Variants in SMURF2 observed in about 807,000 individuals in gnomAD.
SMURF2 encodes the protein E3 ubiquitin-protein ligase SMURF2.
In SMURF2, 48 loss-of-function variants were observed where a neutral mutation model predicts 109.6. The ratio of observed to expected loss-of-function variants is 0.44; its 90% CI spans 0.35 to 0.56. The LOEUF (loss-of-function observed/expected upper bound fraction) is 0.56. Ranked by LOEUF, SMURF2 falls within the 20% of genes least tolerant of loss-of-function variation. The pLI is 0.01. For missense variants in SMURF2, 575 were observed against 909.0 expected (o/e 0.63, Z 4.72); for synonymous variants, 288 against 317.1 (o/e 0.91, Z 0.97).
In SMURF2 at chr17:64,661,870, G is replaced by A; in HGVS notation, c.11C>T (p.Pro4Leu). MSNPGGRRNGPVKL... is the reference protein window; with the variant it reads MSNLGGRRNGPVKL... ...GACGGGCCCGTTCCTCCGGCCTCCG[G>A]GGTTAGACATGTCCCCGGCGGCGGG... Residue 4 changes from proline (P) to leucine (L), a missense_variant, in exon 1 of 19, where the codon CCC becomes CTC. Physicochemically the swap from Pro to Leu is moderately conservative, Grantham distance 98 (BLOSUM62 -3). Transcript: ENST00000262435. 8.2e-7 allele frequency: 1 copy of A among 1,214,662 alleles called. No homozygotes were observed. The highest frequency in any genetic ancestry group is 1.0e-6 in the Non-Finnish European group (1 of 977,208). The allele number at this position is 1,214,662 out of a possible 1,614,324, so 75.2% of individuals were successfully genotyped here.
intron 2 of SMURF2, among the ~76,000 whole-genome samples, chr17:64,602,929 G>GA (rs1249550061): frequency 1.3e-4 from 20 of 149,758 alleles, no homozygotes; most frequent in African/African-American, 2.2e-4. Flanking sequence ...TGTCTCAAGG[G>GA]AAAAAAAAAA....
At chr17:64,615,807 G>C (rs1970112823) in intron 1 of SMURF2, among the ~76,000 whole-genome samples, 1 of 152,058 alleles carries the variant, frequency 6.6e-6, no homozygotes, top group African/African-American at 2.4e-5. Flanking sequence ...TTATGTAAAT[G>C]TATTTATTTA....
At chr17:64,598,591 A>T (rs1162864502) in intron 2 of SMURF2, 101 bp from the exon 3 acceptor site, 1 of 976,030 alleles carries the variant, frequency 1.0e-6, no homozygotes, top group African/African-American at 1.7e-5. Flanking sequence ...CCATTCTTTT[A>T]AAAAAGTTTA....
intron 1 of SMURF2, among the ~76,000 whole-genome samples, chr17:64,634,125 G>C (rs531854614): frequency 9.7e-4 from 148 of 152,322 alleles, no homozygotes; most frequent in African/African-American, 3.4e-3. Flanking sequence ...CTGCACTCCA[G>C]CCTGGGCGAC....
At chr17:64,592,680 T>C (rs1385991042) in intron 4 of SMURF2, among the ~76,000 whole-genome samples, 3 of 152,212 alleles carry the variant, frequency 2.0e-5, no homozygotes, top group Non-Finnish European at 2.9e-5. Context: ...AAAAGAATTC[T>C]ATAGAAACAA....
intron 1 of SMURF2, among the ~76,000 whole-genome samples, chr17:64,617,068 A>T (rs1187439801): frequency 3.7e-5 from 4 of 108,234 alleles, no homozygotes; most frequent in African/African-American, 2.4e-4. Flanking sequence ...CCTTGTCTAA[A>T]AAAAAAAAAA....
intron 10 of SMURF2, among the ~76,000 whole-genome samples, chr17:64,571,089 A>G (rs953752262): frequency 3.9e-5 from 6 of 152,130 alleles, no homozygotes; most frequent in Non-Finnish European, 8.8e-5. Flanking sequence ...CCTTACCAAC[A>G]TATGTAAAGT....
intron 14 of SMURF2, among the ~76,000 whole-genome samples, chr17:64,555,545 T>G (rs1555683963): frequency 6.6e-6 from 1 of 152,230 alleles, no homozygotes; most frequent in Admixed American, 6.5e-5. Flanking sequence ...TGGAACAGAA[T>G]TTGTATCACA....
At chr17:64,590,985 A>C in intron 5 of SMURF2, 99 bp downstream of exon 5, 4 of 749,072 alleles carry the variant, frequency 5.3e-6, no homozygotes, top group Non-Finnish European at 8.5e-6. Context: ...TCAGGCCAAC[A>C]CAATGAAGCT....
intron 15 of SMURF2, 98 bp downstream of exon 15, chr17:64,554,758 G>T (rs549595881): frequency 1.2e-5 from 13 of 1,115,794 alleles, no homozygotes; most frequent in East Asian, 2.5e-5. Flanking sequence ...AGCGGATTTT[G>T]TAACACTAAG....
At chr17:64,627,823 C>G (rs1970287740) in intron 1 of SMURF2, among the ~76,000 whole-genome samples, 1 of 152,186 alleles carries the variant, frequency 6.6e-6, no homozygotes, top group South Asian at 2.1e-4. Flanking sequence ...CAATCAAGAA[C>G]ACTCAAAAAT....
chr17:64,554,765 T>G, intron 15 of SMURF2, 91 bp downstream of exon 15: 1 of 1,181,092 alleles, frequency 8.5e-7, no homozygotes, highest in Non-Finnish European at 1.2e-6. Flanking sequence ...TTTGTAACAC[T>G]AAGTAGTACT....
chr17:64,631,958 T>C (rs1555691656), intron 1 of SMURF2, among the ~76,000 whole-genome samples: 1 of 52,184 alleles, frequency 1.9e-5, no homozygotes, highest in Non-Finnish European at 4.3e-5. Flanking sequence ...CTCTCTTTTT[T>C]TGCGGGGGGG....
intron 1 of SMURF2, among the ~76,000 whole-genome samples, chr17:64,651,018 C>T (rs1555693447): frequency 6.6e-6 from 1 of 151,256 alleles, no homozygotes; most frequent in Non-Finnish European, 1.5e-5. Context: ...TCAAGAACAG[C>T]CTGGCCAACA....
chr17:64,593,475 A>T lies in SMURF2; in HGVS notation c.299T>A (p.Leu100His), dbSNP rs1180983372. The change falls in exon 4 of 19, where the codon CTT becomes CAT. Residue 100 changes from leucine (L) to histidine (H), a missense_variant. Around this residue, in one of 5 missense-constraint regions of SMURF2, gnomAD observed 151 missense variants for 178.4 expected, o/e 0.85. Transcript: ENST00000262435. ...GAGFLGCVRL[L>H]SNAINRLKDT... Reference sequence around the variant, plus strand: ...TTTGAGGCGGTTGATGGCATTGGAAAGAAGACGAACACAACCGAGAAATCC... The same window carrying T: ...TTTGAGGCGGTTGATGGCATTGGAATGAAGACGAACACAACCGAGAAATCC... 2.5e-6 allele frequency: 4 copies of T among 1,610,502 alleles called. No homozygotes were observed. Among genetic ancestry groups the T allele is most frequent in the Admixed American group, 3.3e-5 (2 of 59,898 alleles).
intron 1 of SMURF2, among the ~76,000 whole-genome samples, chr17:64,616,546 CAGG>C (rs1353261964): frequency 3.1e-4 from 47 of 151,576 alleles, no homozygotes; most frequent in Middle Eastern, 3.4e-3. Context: ...CTCTGCTACT[CAGG>C]AGGCTAAGGC....
intron 12 of SMURF2, among the ~76,000 whole-genome samples, 181 bp downstream of exon 12, chr17:64,561,319 T>C (rs1395731503): frequency 6.6e-6 from 1 of 152,200 alleles, no homozygotes; most frequent in Admixed American, 6.5e-5. Context: ...TCCAGAATAC[T>C]TGTCCGGTAG....
At chr17:64,598,659 A>G (rs1337687496) in intron 2 of SMURF2, among the ~76,000 whole-genome samples, 169 bp from the exon 3 acceptor site, 1 of 152,230 alleles carries the variant, frequency 6.6e-6, no homozygotes, top group East Asian at 1.9e-4. Context: ...AGTTACTTCT[A>G]CATTAAATAC....
chr17:64,640,892 T>A (rs1440758045), intron 1 of SMURF2, among the ~76,000 whole-genome samples: 2 of 149,804 alleles, frequency 1.3e-5, no homozygotes, highest in Non-Finnish European at 3.0e-5. Context: ...GCACTCCAGC[T>A]TGGCAACAGA....
Sources: gnomAD v4.1 joint callset for allele counts (sites outside exome capture counted in the v4.1 genomes callset) on GRCh38, gnomAD v4.1.1 for gene constraint, gnomAD v4.1.1 regional missense constraint, MANE v1.5 for transcripts, NCBI Gene and HGNC (gene_info 2026-07-23, HGNC 2026-07-21) for gene names.